Variants in PPP1R3F observed in about 807,000 individuals in gnomAD.
PPP1R3F encodes the protein protein phosphatase 1 regulatory subunit 3F, also known as protein phosphatase 1, regulatory (inhibitor) subunit 3F.
In PPP1R3F, 29 loss-of-function variants were observed where a neutral mutation model predicts 24.2. That is an observed-to-expected ratio of 1.20 (90% CI 0.89 to 1.63). PPP1R3F has a LOEUF of 1.63. Among genes scored for constraint, PPP1R3F ranks in the 40% most tolerant of loss-of-function variants. The pLI, the probability that PPP1R3F is intolerant of heterozygous loss-of-function variation, is 0.00. For missense variants in PPP1R3F, 823 were observed against 729.3 expected, an observed-to-expected ratio of 1.13 and a Z score of -1.48; for synonymous variants, 363 against 340.1, an observed-to-expected ratio of 1.07 and a Z score of -0.74.
chrX:49,284,344 A>C (rs1184152671), intron 3 of PPP1R3F, among the ~76,000 whole-genome samples: 7 of 106,307 alleles, frequency 6.6e-5, no homozygotes, highest in African/African-American at 2.4e-4. Flanking sequence ...TCTTTTCTTT[A>C]TTTTCTTTTT....
At chrX:49,279,615 C>G (rs2066234914) in intron 1 of PPP1R3F, among the ~76,000 whole-genome samples, 2 of 111,457 alleles carry the variant, frequency 1.8e-5, no homozygotes, top group Non-Finnish European at 3.8e-5. Context: ...ACCTGGGAGG[C>G]AGAGGTTGCA....
At chrX:49,288,446 T>A (rs187379089), downstream of PPP1R3F, among the ~76,000 whole-genome samples, 16 of 112,810 alleles carry the variant, frequency 1.4e-4, no homozygotes, top group Non-Finnish European at 2.6e-4. Flanking sequence ...GTAGGTTCAA[T>A]GCAAATCCAA....
chrX:49,291,958 T>G (rs1185694575), downstream of PPP1R3F, among the ~76,000 whole-genome samples: 2 of 111,546 alleles, frequency 1.8e-5, no homozygotes, highest in African/African-American at 6.5e-5. Context: ...ACTTTTTCCT[T>G]TCAGTCAGGG....
intron 1 of PPP1R3F, among the ~76,000 whole-genome samples, chrX:49,271,296 TAAAGA>T (rs1391027827): frequency 8.9e-6 from 1 of 111,816 alleles, no homozygotes; most frequent in Non-Finnish European, 1.9e-5. Flanking sequence ...CGAATGATGA[TAAAGA>T]AGAGTTATGC....
chrX:49,297,193 A>ATTTT (rs1358863099), intron 3 of PPP1R3F, among the ~76,000 whole-genome samples: 12 of 86,954 alleles, frequency 1.4e-4, no homozygotes, highest in Non-Finnish European at 2.3e-4. Flanking sequence ...ATTTTTATTT[A>ATTTT]TTTATTTATT....
downstream of PPP1R3F, among the ~76,000 whole-genome samples, chrX:49,291,441 C>T (rs1230304989): frequency 9.2e-6 from 1 of 109,251 alleles, no homozygotes; most frequent in Non-Finnish European, 1.9e-5. Flanking sequence ...GATTCTCCTG[C>T]CTCAGCCTTC....
In PPP1R3F at chrX:49,270,864, T is replaced by G; in HGVS notation, c.995T>G (p.Val332Gly). 1 of 1,179,354 alleles carries G rather than the reference T, an allele frequency of 8.5e-7. No individual in the cohort carries two copies. The highest frequency in any genetic ancestry group is 1.9e-5 in the South Asian group (1 of 53,267). The stretch of plus-strand genomic sequence containing the variant: ...CAGCTGAAGAGCTGCATGAAGCCGG[T>G]GAGGCGCAGGTAATGTCAGCCAGCG... ...ARQLKSCMKP[V>G]RRRPAEEELK... is the part of the protein sequence containing the mutation. Residue 332 changes from valine to glycine, a missense_variant, in exon 1 of 4, where the codon GTG (valine) becomes GGG (glycine). By Grantham distance (109) the Val-to-Gly change is moderately radical. Coordinates refer to ENST00000055335, the MANE Select transcript of PPP1R3F (RefSeq NM_033215.5).
At chrX:49,291,520 G>T (rs2066309079), downstream of PPP1R3F, among the ~76,000 whole-genome samples, 1 of 107,967 alleles carries the variant, frequency 9.3e-6, no homozygotes, top group Admixed American at 1.0e-4. Context: ...TAGAGACAGG[G>T]TTTCACCATG....
chrX:49,271,733 A>G (rs1013652396), intron 1 of PPP1R3F, among the ~76,000 whole-genome samples: 28 of 113,029 alleles, frequency 2.5e-4, no homozygotes, highest in African/African-American at 9.0e-4. Context: ...AGTCCTGTGG[A>G]GGCGAGGGGC....
intron 3 of PPP1R3F, among the ~76,000 whole-genome samples, 153 bp downstream of exon 3, chrX:49,282,216 A>G (rs966814700): frequency 6.3e-5 from 7 of 111,471 alleles, no homozygotes; most frequent in Non-Finnish European, 1.3e-4. Context: ...GGAGGGGGAG[A>G]ATGCAGTTAC....
In PPP1R3F at chrX:49,270,734, C is replaced by T; in HGVS notation, c.865C>T (p.Pro289Ser). The T allele has an allele frequency of 2.5e-6, 3 of 1,205,225 alleles. No homozygotes were observed. Among genetic ancestry groups the T allele is most frequent in the Non-Finnish European group, 3.4e-6 (3 of 892,399 alleles). ...RNYTVLLRIA[P>S]APTPTDAEGL... ...CTACACAGTCCTGCTCCGGATCGCA[C>T]CCGCTCCCACACCCACTGATGCCGA... The change falls in exon 1 of 4, where the codon CCC becomes TCC. Residue 289 changes from proline (P) to serine (S), a missense_variant. Physicochemically the swap from Pro to Ser is moderately conservative, Grantham distance 74. Coordinates refer to ENST00000055335, the MANE Select transcript of PPP1R3F (RefSeq NM_033215.5).
downstream of PPP1R3F, among the ~76,000 whole-genome samples, chrX:49,292,339 C>T (rs1034162312): frequency 8.9e-5 from 10 of 112,721 alleles, no homozygotes; most frequent in African/African-American, 3.2e-4. Context: ...GAGAGGTTCT[C>T]ATATTTTTAA....
chrX:49,289,206 A>G (rs190153191), downstream of PPP1R3F, among the ~76,000 whole-genome samples: 146 of 112,265 alleles, frequency 1.3e-3, 1 homozygote, highest in African/African-American at 4.4e-3. Flanking sequence ...CACGACACAG[A>G]AACAACCATA....
In PPP1R3F at chrX:49,288,038, T is replaced by G. The variant is rs1192744022; in HGVS notation, c.*948T>G. 1 of 112,155 alleles carries G rather than the reference T, an allele frequency of 8.9e-6. No individual in the cohort carries two copies. The highest frequency in any genetic ancestry group is 9.4e-5 in the Admixed American group (1 of 10,605). The allele number at this position is 112,155 out of a possible 1,213,427, so 9.2% of individuals were successfully genotyped here. On this transcript the variant is annotated 3_prime_UTR_variant, in exon 4 of 4. Coordinates refer to ENST00000055335, the MANE Select transcript of PPP1R3F (RefSeq NM_033215.5). ...ACTAAAAACAGGAAGCCCAGAAGCTTTGAAAGAAAGATATATATTTATTGC... is the reference window on the plus strand; with the variant it reads ...ACTAAAAACAGGAAGCCCAGAAGCTGTGAAAGAAAGATATATATTTATTGC...
chrX:49,284,928 G>T (rs782118599), intron 3 of PPP1R3F, among the ~76,000 whole-genome samples: 1 of 111,486 alleles, frequency 9.0e-6, no homozygotes, highest in South Asian at 3.8e-4. Flanking sequence ...TTGTTTCTAG[G>T]CCCTTTCAAA....
chrX:49,291,098 G>T (rs1168534946), downstream of PPP1R3F, among the ~76,000 whole-genome samples: 1 of 110,662 alleles, frequency 9.0e-6, no homozygotes, highest in Non-Finnish European at 1.9e-5. Flanking sequence ...GTGATCCTCC[G>T]ACCTCAGCCT....
At chrX:49,279,991 G>A (rs965146951) in intron 1 of PPP1R3F, among the ~76,000 whole-genome samples, 1 of 112,077 alleles carries the variant, frequency 8.9e-6, no homozygotes, top group Admixed American at 9.4e-5. Context: ...TCCCAGCTGT[G>A]TGTCAGGCCC....
At chrX:49,271,327 G>C (rs979669885) in intron 1 of PPP1R3F, among the ~76,000 whole-genome samples, 2 of 112,135 alleles carry the variant, frequency 1.8e-5, no homozygotes, top group Non-Finnish European at 3.8e-5. Context: ...CGGTGGGGAG[G>C]TGGGGGAGAG....
At chrX:49,279,647 G>A (rs2066235140) in intron 1 of PPP1R3F, among the ~76,000 whole-genome samples, 1 of 111,842 alleles carries the variant, frequency 8.9e-6, no homozygotes, top group Non-Finnish European at 1.9e-5. Context: ...TCATGCTATT[G>A]CACTCCAGCC....
Sources: gnomAD v4.1 joint callset for allele counts (sites outside exome capture counted in the v4.1 genomes callset) on GRCh38, gnomAD v4.1.1 for gene constraint, MANE v1.5 for transcripts, NCBI Gene and HGNC (gene_info 2026-07-23, HGNC 2026-07-21) for gene names.